Variants in B3GNT6 observed in about 807,000 individuals in gnomAD.
B3GNT6 encodes acetylgalactosaminyl-O-glycosyl-glycoprotein beta-1,3-N-acetylglucosaminyltransferase.
For missense variants in B3GNT6, 624 were observed against 568.6 expected (o/e 1.10, Z -0.99); for synonymous variants, 300 against 270.0 (o/e 1.11, Z -1.09).
At chr11:77,036,594 T>C (rs1555026968) in intron 1 of B3GNT6, among the ~76,000 whole-genome samples, 1 of 152,250 alleles carries the variant, frequency 6.6e-6, no homozygotes, top group African/African-American at 2.4e-5. Flanking sequence ...ATTTACTGAA[T>C]ACTATGTGCC....
At chr11:77,038,958 C>T (rs1390040837) in intron 1 of B3GNT6, among the ~76,000 whole-genome samples, 6 of 152,168 alleles carry the variant, frequency 3.9e-5, no homozygotes, top group African/African-American at 9.6e-5. Context: ...ACCCAGCCAT[C>T]GGAACTGACT....
chr11:77,040,587 C>A lies in B3GNT6; in HGVS notation c.1036C>A (p.Pro346Thr). The A allele has an allele frequency of 6.3e-7, 1 of 1,594,344 alleles. No homozygotes were observed. Among genetic ancestry groups the A allele is most frequent in the Non-Finnish European group, 8.5e-7 (1 of 1,177,310 alleles). The change falls in exon 2 of 2, where the codon CCC becomes ACC. Residue 346 changes from proline (P) to threonine (T), a missense_variant. Coordinates refer to ENST00000622824, the MANE Select transcript of B3GNT6 (RefSeq NM_138706.5). ...LPGAQQSSFDPCMYRELLLVH... is the reference protein window; with the variant it reads ...LPGAQQSSFDTCMYRELLLVH... The stretch of plus-strand genomic sequence containing the variant: ...TGGCGCACAGCAGTCCTCCTTCGAC[C>A]CCTGCATGTACCGCGAGTTGCTGCT...
In B3GNT6 at chr11:77,040,494, T is replaced by G; in HGVS notation, c.943T>G (p.Cys315Gly). 2 of 1,541,562 alleles carry G rather than the reference T, an allele frequency of 1.3e-6. No homozygotes were observed. Among genetic ancestry groups the G allele is most frequent in the South Asian group, 2.4e-5 (2 of 84,442 alleles). The change falls in exon 2 of 2, where the codon TGT (cysteine) becomes GGT (glycine). Residue 315 changes from cysteine to glycine, a missense_variant. By Grantham distance (159) the Cys-to-Gly change is radical. Transcript: ENST00000622824. ...FPIDDAYMGMCLERAGLAPSG... is the reference protein window; with the variant it reads ...FPIDDAYMGMGLERAGLAPSG... ...CATCGACGACGCCTACATGGGCATG[T>G]GTCTGGAGCGCGCCGGCCTGGCGCC...
In B3GNT6 at chr11:77,040,219, A is replaced by C. The variant is rs1555027642; in HGVS notation, c.668A>C (p.Asp223Ala). 2 of 1,599,136 alleles carry C rather than the reference A, an allele frequency of 1.3e-6. No homozygotes were observed. Among genetic ancestry groups the C allele is most frequent in the East Asian group, 2.2e-5 (1 of 44,848 alleles). ...GCGCGCTTTCTGCTCAGCGGCGACG[A>C]CGACGTGTTCGTGCACACCGCCAAC... ...PHARFLLSGD[D>A]DVFVHTANVV... The change falls in exon 2 of 2, where the codon GAC (aspartate) becomes GCC (alanine). Residue 223 changes from aspartate (D) to alanine (A), a missense_variant. By Grantham distance (126) the Asp-to-Ala change is moderately radical. Coordinates refer to ENST00000622824, the MANE Select transcript of B3GNT6 (RefSeq NM_138706.5).
chr11:77,036,144 C>A (rs945390787), intron 1 of B3GNT6, among the ~76,000 whole-genome samples: 1 of 152,094 alleles, frequency 6.6e-6, no homozygotes, highest in Non-Finnish European at 1.5e-5. Flanking sequence ...TTTTTTTATT[C>A]TTTCATTCAT....
At position 77,039,757 on chromosome 11, in the gene B3GNT6, C is replaced by A; in HGVS notation, c.206C>A (p.Pro69Gln). 6.3e-7 allele frequency: 1 copy of A among 1,593,916 alleles called. No individual in the cohort carries two copies. ...EPPSELVPGP[P>Q]CVANASANAT... ...CCCTCGGAGCTCGTCCCCGGGCCCC[C>A]GTGCGTGGCGAACGCCTCGGCGAAC... The change falls in exon 2 of 2, where the codon CCG becomes CAG. Residue 69 changes from proline to glutamine, a missense_variant. Physicochemically the swap from Pro to Gln is moderately conservative, Grantham distance 76. Transcript: ENST00000622824.
chr11:77,038,595 G>A (rs1949658297), intron 1 of B3GNT6, among the ~76,000 whole-genome samples: 2 of 151,890 alleles, frequency 1.3e-5, no homozygotes, highest in Non-Finnish European at 2.9e-5. Context: ...AATAGCCAAC[G>A]GTCTGAGATG....
chr11:77,038,081 ATGAGGGGG>A (rs1949651055), intron 1 of B3GNT6, among the ~76,000 whole-genome samples: 1 of 7,498 alleles, frequency 1.3e-4, no homozygotes, highest in African/African-American at 4.9e-4. Flanking sequence ...GGGGGAGGGG[ATGAGGGGG>A]AGGAGGAGGG....
chr11:77,037,634 G>T (rs1555027063), intron 1 of B3GNT6, among the ~76,000 whole-genome samples: 2 of 151,898 alleles, frequency 1.3e-5, no homozygotes, highest in African/African-American at 4.8e-5. Context: ...AGAGAGGTCA[G>T]GTGCGGTGGC....
rs117335351 is a variant in B3GNT6, at chr11:77,041,265, G to A, written c.*559G>A. 2.5e-3 allele frequency: 376 copies of A among 153,020 alleles called. No homozygotes were observed. Among genetic ancestry groups the A allele is most frequent in the Non-Finnish European group, 4.6e-3 (315 of 68,562 alleles). 9.5% of individuals were successfully genotyped at this position (153,020 alleles called of 1,614,324 possible). Reference sequence around the variant, plus strand: ...CCAACACGCAGCTGAGGCGCATGTGGTGGCCTTCTTCCCACCACTACCCCA... The same window carrying A: ...CCAACACGCAGCTGAGGCGCATGTGATGGCCTTCTTCCCACCACTACCCCA... On this transcript the variant is annotated 3_prime_UTR_variant, in exon 2 of 2. Transcript: ENST00000622824.
intron 1 of B3GNT6, among the ~76,000 whole-genome samples, chr11:77,035,405 TA>T (rs1949626098): frequency 6.6e-6 from 1 of 152,250 alleles, no homozygotes; most frequent in Non-Finnish European, 1.5e-5. Flanking sequence ...TTAACTCATA[TA>T]ATTCTGAGAC....
At position 77,040,258 on chromosome 11, in the gene B3GNT6, T is replaced by A; in HGVS notation, c.707T>A (p.Leu236Gln). ...FVHTANVVRFLQAQPPGRHLF... is the reference protein window; with the variant it reads ...FVHTANVVRFQQAQPPGRHLF... ...CACACCGCCAACGTAGTCCGCTTCC[T>A]GCAGGCGCAGCCACCCGGCCGCCAC... The change falls in exon 2 of 2, where the codon CTG (leucine) becomes CAG (glutamine). Residue 236 changes from leucine to glutamine, a missense_variant. Coordinates refer to ENST00000622824, the MANE Select transcript of B3GNT6 (RefSeq NM_138706.5). The A allele has an allele frequency of 6.3e-7, 1 of 1,597,708 alleles. No homozygotes were observed.
Position 77,040,225 on chromosome 11 carries a change from T to G in B3GNT6, c.674T>G (p.Val225Gly). 2 of 1,599,076 alleles carry G rather than the reference T, an allele frequency of 1.3e-6. No homozygotes were observed. The highest frequency in any genetic ancestry group is 1.7e-6 in the Non-Finnish European group (2 of 1,179,446). Residue 225 changes from valine to glycine, a missense_variant, in exon 2 of 2, where the codon GTG becomes GGG. By Grantham distance (109) the Val-to-Gly change is moderately radical (BLOSUM62 -3). Transcript: ENST00000622824. ...ARFLLSGDDD[V>G]FVHTANVVRF... ...TTTCTGCTCAGCGGCGACGACGACG[T>G]GTTCGTGCACACCGCCAACGTAGTC... is the stretch of plus-strand genomic sequence containing the variant.
intron 1 of B3GNT6, among the ~76,000 whole-genome samples, chr11:77,035,540 G>T (rs1377034039): frequency 6.6e-6 from 1 of 152,202 alleles, no homozygotes; most frequent in East Asian, 1.9e-4. Flanking sequence ...CATCAACAAG[G>T]AGACAGGTTA....
chr11:77,040,580 C>T lies in B3GNT6; in HGVS notation c.1029C>T (p.Ser343=). 6.3e-7 allele frequency: 1 copy of T among 1,592,194 alleles called. No homozygotes were observed. The highest frequency in any genetic ancestry group is 8.5e-7 in the Non-Finnish European group (1 of 1,176,462). Residue 343 remains serine (S), a synonymous_variant, in exon 2 of 2, where the codon TCC becomes TCT. Transcript: ENST00000622824. ...GVQLPGAQQS[S]FDPCMYRELL... ...AGCTGCCTGGCGCACAGCAGTCCTCCTTCGACCCCTGCATGTACCGCGAGT... is the reference window on the plus strand; with the variant it reads ...AGCTGCCTGGCGCACAGCAGTCCTCTTTCGACCCCTGCATGTACCGCGAGT...
chr11:77,038,399 A>G (rs1209721709), intron 1 of B3GNT6, among the ~76,000 whole-genome samples: 12 of 9,204 alleles, frequency 1.3e-3, no homozygotes, highest in African/African-American at 5.9e-3. Flanking sequence ...GTCTCTACAG[A>G]AAAAAAAAAA....
In B3GNT6 at chr11:77,040,764, C is replaced by T. The variant is rs1358495852; in HGVS notation, c.*58C>T. 15 of 1,494,502 alleles carry T rather than the reference C, an allele frequency of 1.0e-5. No individual in the cohort carries two copies. The South Asian group carries it at 1.6e-4, about 16-fold the overall frequency. 92.6% of individuals were successfully genotyped at this position (1,494,502 alleles called of 1,614,324 possible). On this transcript the variant is annotated 3_prime_UTR_variant, in exon 2 of 2. Coordinates refer to ENST00000622824, the MANE Select transcript of B3GNT6 (RefSeq NM_138706.5). ...AACCATGTCCATGCTGAGAAGGCAG[C>T]TTTCCCGCTCTGGGTACCTTACGTC...
At chr11:77,038,783 G>A (rs1555027282) in intron 1 of B3GNT6, among the ~76,000 whole-genome samples, 1 of 152,072 alleles carries the variant, frequency 6.6e-6, no homozygotes, top group East Asian at 1.9e-4. Flanking sequence ...AATACCAGCA[G>A]GTAGAATGAG....
rs1216289267 is a variant in B3GNT6, at chr11:77,041,472, C to A, written c.*766C>A. 6.6e-6 allele frequency: 1 copy of A among 152,496 alleles called. No homozygotes were observed. The highest frequency in any genetic ancestry group is 1.5e-5 in the Non-Finnish European group (1 of 68,256). The allele number at this position is 152,496 out of a possible 1,614,324, so 9.4% of individuals were successfully genotyped here. A position where few individuals can be genotyped will look rare whatever the true frequency, so the allele number is the denominator to read the frequency against. On this transcript the variant is annotated 3_prime_UTR_variant, in exon 2 of 2. Transcript: ENST00000622824. ...CCCGCCAATAATCACCCCCACGGGTCAGAGACAGGCTCCTTGCCGGGGTCT... is the reference window on the plus strand; with the variant it reads ...CCCGCCAATAATCACCCCCACGGGTAAGAGACAGGCTCCTTGCCGGGGTCT...
Sources: gnomAD v4.1 joint callset for allele counts (sites outside exome capture counted in the v4.1 genomes callset) on GRCh38, gnomAD v4.1.1 for gene constraint, MANE v1.5 for transcripts, NCBI Gene and HGNC (gene_info 2026-07-23, HGNC 2026-07-21) for gene names.